Variants in PSD3 observed in about 807,000 individuals in gnomAD.
PSD3 encodes PH and SEC7 domain-containing protein 3.
Under a neutral mutation model 105.5 loss-of-function variants are expected in PSD3, and 49 were observed. The observed-to-expected ratio is 0.46, with a 90% confidence interval of 0.37 to 0.59. The LOEUF is 0.59. Ranked by LOEUF, PSD3 falls within the 20% of genes least tolerant of loss-of-function variation. The probability of loss-of-function intolerance (pLI) is 0.00; values close to 1 mark genes in which losing one functional copy is unlikely to be tolerated. For missense variants in PSD3, 1,561 were observed against 1,263.8 expected, an observed-to-expected ratio of 1.24 and a Z score of -3.57; for synonymous variants, 557 against 457.8, an observed-to-expected ratio of 1.22 and a Z score of -2.77.
chr8:18,672,620 T>A (rs1030819742), intron 9 of PSD3, among the ~76,000 whole-genome samples: 12 of 152,224 alleles, frequency 7.9e-5, no homozygotes, highest in Non-Finnish European at 1.3e-4. Flanking sequence ...ATAAATTTTT[T>A]AAAGAAACAA....
intron 1 of PSD3, among the ~76,000 whole-genome samples, chr8:19,050,622 T>C (rs1012297272): frequency 6.6e-6 from 1 of 151,710 alleles, no homozygotes; most frequent in Non-Finnish European, 1.5e-5. Flanking sequence ...CACTCATAGG[T>C]GGGAAGTGAA....
chr8:18,683,853 T>C (rs1205651530), intron 9 of PSD3: 1 of 765,176 alleles, frequency 1.3e-6, no homozygotes, highest in Non-Finnish European at 2.4e-6. Flanking sequence ...CCGGATAGAA[T>C]CCTCCCGGGA....
At chr8:18,623,044 AT>A (rs926581117) in intron 11 of PSD3, among the ~76,000 whole-genome samples, 50 of 152,012 alleles carry the variant, frequency 3.3e-4, no homozygotes, top group Non-Finnish European at 1.6e-4. Flanking sequence ...TTTCTTTTCA[AT>A]TTTCATTCAA....
At chr8:18,680,849 C>T (rs923138522) in intron 9 of PSD3, among the ~76,000 whole-genome samples, 17 of 152,016 alleles carry the variant, frequency 1.1e-4, no homozygotes, top group African/African-American at 4.1e-4. Flanking sequence ...AATATTTAGA[C>T]CAAGAAAAGC....
chr8:18,632,785 C>CT lies in PSD3; in HGVS notation c.2237dup (p.Ser747ValfsTer7). On this transcript the variant is annotated frameshift_variant, in exon 11 of 16. Coordinates refer to ENST00000327040, the MANE Select transcript of PSD3 (RefSeq NM_015310.4). LOFTEE classifies it high-confidence loss of function. The stretch of plus-strand genomic sequence containing the variant: ...TCTCCTCAGTACTTTCTGAGGGAGA[C>CT]TTTTTTTTCTCTTCATCATCTCTAA... The CT allele has an allele frequency of 1.9e-5, 30 of 1,581,374 alleles. No individual in the cohort carries two copies. The highest frequency in any genetic ancestry group is 2.7e-5 in the African/African-American group (2 of 73,880).
intron 1 of PSD3, among the ~76,000 whole-genome samples, chr8:19,002,711 T>G (rs1417657015): frequency 2.0e-5 from 3 of 152,108 alleles, no homozygotes; most frequent in Non-Finnish European, 2.9e-5. Context: ...TTATACTACA[T>G]GAATAAATAA....
intron 9 of PSD3, among the ~76,000 whole-genome samples, chr8:18,691,093 G>A (rs1800949735): frequency 1.3e-5 from 2 of 151,978 alleles, no homozygotes; most frequent in South Asian, 2.1e-4. Context: ...AGCATCACAC[G>A]CTTTTGATTC....
At chr8:18,668,110 T>C (rs60732052) in intron 9 of PSD3, among the ~76,000 whole-genome samples, 16,518 of 152,176 alleles carry the variant, frequency 0.11, 1,483 homozygotes, top group African/African-American at 0.22. Context: ...CCGGCCTCGG[T>C]CAGCCCAGAA....
chr8:18,688,662 T>C (rs1800797399), intron 9 of PSD3, among the ~76,000 whole-genome samples: 1 of 152,238 alleles, frequency 6.6e-6, no homozygotes, highest in African/African-American at 2.4e-5. Context: ...ATTTTCTTCA[T>C]CCTACATTAT....
At chr8:19,064,466 A>C (rs1361566868) in intron 1 of PSD3, among the ~76,000 whole-genome samples, 1 of 152,174 alleles carries the variant, frequency 6.6e-6, no homozygotes, top group Non-Finnish European at 1.5e-5. Context: ...GTAATGATCA[A>C]ATGAGGGTCA....
intron 1 of PSD3, chr8:19,001,546 T>C (rs1490382006): frequency 6.6e-6 from 1 of 152,046 alleles, no homozygotes; most frequent in African/African-American, 2.4e-5. Flanking sequence ...GCTGACCCTA[T>C]TGCCTGGTCT....
chr8:18,648,373 C>T lies in PSD3; in HGVS notation c.2216+7269G>A, dbSNP rs1033032860. ...TAAAGCAAAGGTTATGTTTGTTATGCGGAAGCAAAGAACTTGGAGGCACTG... is the reference window on the plus strand; with the variant it reads ...TAAAGCAAAGGTTATGTTTGTTATGTGGAAGCAAAGAACTTGGAGGCACTG... On this transcript the variant is annotated intron_variant, in intron 10 of 15. Coordinates refer to ENST00000327040, the MANE Select transcript of PSD3 (RefSeq NM_015310.4). Among the ~76,000 whole-genome samples the T allele has an allele frequency of 3.3e-5, 5 of 152,112 alleles. No homozygotes were observed. In the East Asian group the frequency reaches 5.8e-4, roughly 18 times the overall value.
chr8:18,961,287 G>A (rs962103605), intron 1 of PSD3, among the ~76,000 whole-genome samples: 2 of 152,078 alleles, frequency 1.3e-5, no homozygotes, highest in South Asian at 2.1e-4. Context: ...CAATACTTAC[G>A]AGTCCACAGT....
intron 12 of PSD3, among the ~76,000 whole-genome samples, chr8:18,584,159 T>C (rs976617995): frequency 7.9e-5 from 12 of 152,220 alleles, no homozygotes; most frequent in Non-Finnish European, 1.3e-4. Context: ...TACGAGACAT[T>C]TTCCAGTGAA....
chr8:18,894,760 A>G (rs566225974), intron 2 of PSD3, among the ~76,000 whole-genome samples: 5 of 152,308 alleles, frequency 3.3e-5, no homozygotes, highest in Admixed American at 2.6e-4. Flanking sequence ...ACCCTATGAT[A>G]ATAACGTAAT....
chr8:18,687,485 G>T (rs1800722115), intron 9 of PSD3, among the ~76,000 whole-genome samples: 2 of 145,936 alleles, frequency 1.4e-5, no homozygotes, highest in South Asian at 2.2e-4. Flanking sequence ...AAATTTAGCA[G>T]TTTTTTTTTT....
At position 18,600,444 on chromosome 8, in the gene PSD3, G is replaced by A. The variant is rs1445576252; in HGVS notation, c.2411-10C>T. The A allele has an allele frequency of 5.7e-6, 9 of 1,584,398 alleles. No individual in the cohort carries two copies. Among genetic ancestry groups the A allele is most frequent in the Non-Finnish European group, 6.9e-6 (8 of 1,164,284 alleles). ...CGTTTTCCTCTTGGAGCTAGAAAGG[G>A]GGAAAAAATGTAAAATTTTATTTGA... On this transcript the variant is annotated splice_polypyrimidine_tract_variant and intron_variant, in intron 11 of 15. Transcript: ENST00000327040.
intron 11 of PSD3, among the ~76,000 whole-genome samples, chr8:18,613,353 G>A (rs13260113): frequency 0.074 from 11,186 of 152,168 alleles, 543 homozygotes; most frequent in South Asian, 0.14. Flanking sequence ...GGGGGGAGGA[G>A]CCTGGTCTCT....
chr8:18,644,762 G>C (rs552937440), intron 10 of PSD3, among the ~76,000 whole-genome samples: 8 of 152,152 alleles, frequency 5.3e-5, no homozygotes, highest in African/African-American at 1.9e-4. Context: ...TCAGCTTATT[G>C]TTATAGCAAC....
Sources: allele counts gnomAD v4.1 joint callset (sites outside exome capture counted in the v4.1 genomes callset), GRCh38; gene constraint gnomAD v4.1.1; transcripts MANE v1.5; gene names NCBI Gene and HGNC (gene_info 2026-07-23, HGNC 2026-07-21).